SPATA16: variants seen among roughly 807,000 people sequenced by gnomAD.
The protein encoded by SPATA16 is spermatogenesis associated 16, also known as spermatogenesis-associated protein 16.
In SPATA16, 36 loss-of-function variants were observed where a neutral mutation model predicts 63.3. The ratio of observed to expected loss-of-function variants is 0.57; its 90% confidence interval spans 0.44 to 0.75. The LOEUF (loss-of-function observed/expected upper bound fraction) is 0.75. SPATA16 is among the 30% of genes least tolerant of loss of function. SPATA16 has a pLI of 0.00. For missense variants in SPATA16, 646 were observed against 679.3 expected, an observed-to-expected ratio of 0.95 and a Z score of 0.54; for synonymous variants, 203 against 216.7, an observed-to-expected ratio of 0.94 and a Z score of 0.56.
At chr3:173,009,473 G>A (rs1735010851) in intron 4 of SPATA16, among the ~76,000 whole-genome samples, 1 of 152,248 alleles carries the variant, frequency 6.6e-6, no homozygotes, top group South Asian at 2.1e-4. Flanking sequence ...CAGACACAGA[G>A]AGCTGCCTGG....
At chr3:173,117,890 T>A (rs557798732) in intron 1 of SPATA16, 141 bp from the exon 2 acceptor site, 1 of 1,356,168 alleles carries the variant, frequency 7.4e-7, no homozygotes, top group East Asian at 2.5e-5. Flanking sequence ...ATTTACATAA[T>A]CTACTGACTA....
At chr3:172,979,069 C>G (rs1384017971) in intron 4 of SPATA16, among the ~76,000 whole-genome samples, 1 of 152,206 alleles carries the variant, frequency 6.6e-6, no homozygotes, top group Admixed American at 6.5e-5. Flanking sequence ...AACCCCATCT[C>G]TACTAAAAAT....
intron 2 of SPATA16, among the ~76,000 whole-genome samples, chr3:173,112,648 A>G (rs1737776409): frequency 6.6e-6 from 1 of 152,224 alleles, no homozygotes; most frequent in Non-Finnish European, 1.5e-5. Context: ...AAAATATAGT[A>G]GCTGGCACAT....
At chr3:173,019,943 A>G (rs1049550541) in intron 3 of SPATA16, among the ~76,000 whole-genome samples, 2 of 151,638 alleles carry the variant, frequency 1.3e-5, no homozygotes, top group Admixed American at 6.6e-5. Context: ...TATTTATGGT[A>G]TGTCTACTTT....
chr3:172,930,037 A>G (rs1357122569), intron 6 of SPATA16, among the ~76,000 whole-genome samples: 1 of 152,202 alleles, frequency 6.6e-6, no homozygotes, highest in African/African-American at 2.4e-5. Flanking sequence ...GCACATTGCA[A>G]TGCATCCCAT....
At position 172,931,024 on chromosome 3, in the gene SPATA16, T is replaced by G. The variant is rs539075416; in HGVS notation, c.1082-5532A>C. 1.7e-4 allele frequency among the ~76,000 whole-genome samples: 26 copies of G among 151,520 alleles called. No individual in the cohort carries two copies. The South Asian group carries it at 5.4e-3, about 32-fold the overall frequency. On this transcript the variant is annotated intron_variant, in intron 6 of 10. Coordinates refer to ENST00000351008, the MANE Select transcript of SPATA16 (RefSeq NM_031955.6). ...TTTTTAGTAGAGATGGGGTTTCGCC[T>G]TGTTGGGCAGGCTGGTCTCGAACTC...
At chr3:172,992,089 C>T (rs966512924) in intron 4 of SPATA16, among the ~76,000 whole-genome samples, 1 of 152,038 alleles carries the variant, frequency 6.6e-6, no homozygotes, top group Admixed American at 6.6e-5. Flanking sequence ...GAAAATTCTG[C>T]ATTCCTTTTG....
Position 173,065,073 on chromosome 3 carries a change from C to T in SPATA16, c.613-15979G>A, listed in dbSNP as rs576968307. Among the ~76,000 whole-genome samples, 6 of 152,296 alleles carry T rather than the reference C, an allele frequency of 3.9e-5. No individual in the cohort carries two copies. In the South Asian group the frequency reaches 1.2e-3, roughly 32 times the overall value. ...AACTGTTCTGAAACTGTCTGTTCTA[C>T]AGGATGTTAAGGAGTTATTACGTTA... On this transcript the variant is annotated intron_variant, in intron 2 of 10. Transcript: ENST00000351008.
intron 3 of SPATA16, among the ~76,000 whole-genome samples, chr3:173,022,999 T>C (rs1401321193): frequency 6.6e-6 from 1 of 152,054 alleles, no homozygotes; most frequent in African/African-American, 2.4e-5. Flanking sequence ...TAAAATAATA[T>C]ATATTATAGT....
chr3:173,075,775 G>A (rs933500170), intron 2 of SPATA16, among the ~76,000 whole-genome samples: 2 of 152,118 alleles, frequency 1.3e-5, no homozygotes, highest in African/African-American at 4.8e-5. Context: ...GCTGGTGTGG[G>A]TAGTGGGGAT....
In SPATA16 at chr3:173,100,144, C is replaced by G. The variant is rs550198978; in HGVS notation, c.612+16976G>C. ...CAGTTTTAAAGTATCTGTGAGGATA[C>G]CTCTCTATGGGAGCCAGAAATGCTG... On this transcript the variant is annotated intron_variant, in intron 2 of 10. Coordinates refer to ENST00000351008, the MANE Select transcript of SPATA16 (RefSeq NM_031955.6). 1.4e-3 allele frequency among the ~76,000 whole-genome samples: 214 copies of G among 152,272 alleles called. 1 individual carries two copies. Among genetic ancestry groups the G allele is most frequent in the African/African-American group, 4.9e-3 (204 of 41,550 alleles).
At chr3:173,053,954 C>T (rs771161241) in intron 2 of SPATA16, among the ~76,000 whole-genome samples, 7 of 151,952 alleles carry the variant, frequency 4.6e-5, no homozygotes, top group South Asian at 2.1e-4. Context: ...TCTTTCTATA[C>T]GTTTTGCATT....
At chr3:173,051,984 T>C (rs1010780145) in intron 2 of SPATA16, among the ~76,000 whole-genome samples, 1 of 152,038 alleles carries the variant, frequency 6.6e-6, no homozygotes, top group East Asian at 1.9e-4. Context: ...GCTAATTTTG[T>C]ATTTTCAGCA....
chr3:173,069,827 C>A (rs1178608688), intron 2 of SPATA16, among the ~76,000 whole-genome samples: 3 of 152,018 alleles, frequency 2.0e-5, no homozygotes, highest in Non-Finnish European at 4.4e-5. Context: ...AAGGATAGTT[C>A]AACATACACA....
chr3:172,900,243 C>T (rs1177001005), intron 10 of SPATA16, among the ~76,000 whole-genome samples: 3 of 152,178 alleles, frequency 2.0e-5, no homozygotes, highest in African/African-American at 4.8e-5. Flanking sequence ...TATTATGCCA[C>T]TTACTACTGG....
chr3:173,056,233 T>G (rs961774670), intron 2 of SPATA16, among the ~76,000 whole-genome samples: 1 of 152,238 alleles, frequency 6.6e-6, no homozygotes, highest in African/African-American at 2.4e-5. Context: ...TTTAGTGATA[T>G]TCATAGAAGG....
intron 8 of SPATA16, among the ~76,000 whole-genome samples, chr3:172,917,827 C>T: frequency 6.6e-6 from 1 of 152,284 alleles, no homozygotes; most frequent in East Asian, 1.9e-4. Flanking sequence ...TGAACTTCAA[C>T]TTAAAATTAG....
intron 5 of SPATA16, among the ~76,000 whole-genome samples, chr3:172,975,643 T>A (rs1734139510): frequency 6.6e-6 from 1 of 152,178 alleles, no homozygotes; most frequent in African/African-American, 2.4e-5. Flanking sequence ...TAGGAAGGTC[T>A]TAAAATTATC....
At chr3:172,990,526 G>C (rs747447931) in intron 4 of SPATA16, among the ~76,000 whole-genome samples, 1 of 152,130 alleles carries the variant, frequency 6.6e-6, no homozygotes, top group Non-Finnish European at 1.5e-5. Flanking sequence ...GGTAGGGGAG[G>C]ATAGCAATGG....
Sources: allele counts gnomAD v4.1 joint callset (sites outside exome capture counted in the v4.1 genomes callset), GRCh38; gene constraint gnomAD v4.1.1; transcripts MANE v1.5; gene names NCBI Gene and HGNC (gene_info 2026-07-23, HGNC 2026-07-21).